DCAF6: variants seen among roughly 807,000 people sequenced by gnomAD.
DCAF6 encodes the protein DDB1 and CUL4 associated factor 6, also known as DDB1- and CUL4-associated factor 6.
A neutral mutation model predicts 125.1 loss-of-function variants in DCAF6; 54 were observed. The ratio of observed to expected loss-of-function variants is 0.43; its 90% CI spans 0.35 to 0.54. The LOEUF (loss-of-function observed/expected upper bound fraction) is 0.54. Ranked by LOEUF, DCAF6 falls within the 20% of genes least tolerant of loss-of-function variation. The probability of loss-of-function intolerance (pLI) is 0.01; values close to 1 mark genes in which losing one functional copy is unlikely to be tolerated. For synonymous variants in DCAF6, 371 were observed against 390.4 expected (o/e 0.95, Z 0.58); for missense variants, 934 against 1,161.7 (o/e 0.80, Z 2.85).
rs578145714 is a variant in DCAF6 at position 167,959,765 on chromosome 1, ATTACT to A, written c.160-6860_160-6856del. On this transcript the variant is annotated intron_variant, in intron 2 of 21. Coordinates refer to ENST00000367840, the MANE Select transcript of DCAF6 (RefSeq NM_001198956.2). ...GAGTTCTTTATTTATTTTAGATAACATTACTTTATCAGATGTGTCTTTTGAAAGTA... is the reference window on the plus strand; with the variant it reads ...GAGTTCTTTATTTATTTTAGATAACATTATCAGATGTGTCTTTTGAAAGTA... Among the ~76,000 whole-genome samples the A allele has an allele frequency of 6.6e-5, 10 of 152,320 alleles. 1 individual carries two copies. The South Asian group carries it at 2.1e-3, about 32-fold the overall frequency.
At chr1:168,054,708 C>T (rs1311794967) in intron 17 of DCAF6, among the ~76,000 whole-genome samples, 2 of 152,052 alleles carry the variant, frequency 1.3e-5, no homozygotes, top group African/African-American at 4.8e-5. Context: ...TGAATAATCA[C>T]AGATTGCATA....
intron 10 of DCAF6, among the ~76,000 whole-genome samples, chr1:168,009,468 T>TCCTG: frequency 7.0e-6 from 1 of 143,500 alleles, no homozygotes; most frequent in African/African-American, 2.6e-5. Flanking sequence ...CTCTCTTCCT[T>TCCTG]CCTCCCTCCC....
At chr1:168,073,602 C>T (rs1693407867) in intron 21 of DCAF6, among the ~76,000 whole-genome samples, 1 of 152,072 alleles carries the variant, frequency 6.6e-6, no homozygotes, top group Non-Finnish European at 1.5e-5. Context: ...TTTTTCTTAA[C>T]TCTCTATTAT....
chr1:167,865,307 G>A, the DCAF6 span, among the ~76,000 whole-genome samples: 1,056 of 152,286 alleles, frequency 6.9e-3, 11 homozygotes, highest in African/African-American at 0.024. Flanking sequence ...AATTCTGTGT[G>A]TAAACTAATT....
At chr1:167,941,616 G>T (rs1005884464) in intron 1 of DCAF6, among the ~76,000 whole-genome samples, 1 of 151,940 alleles carries the variant, frequency 6.6e-6, no homozygotes, top group Non-Finnish European at 1.5e-5. Flanking sequence ...GGTAGAGTAC[G>T]CACTAATGAG....
intron 2 of DCAF6, among the ~76,000 whole-genome samples, chr1:167,960,076 T>A (rs1675338684): frequency 6.6e-6 from 1 of 151,558 alleles, no homozygotes; most frequent in Non-Finnish European, 1.5e-5. Context: ...TTTATTTTTA[T>A]TTTTTTTGCA....
intron 3 of DCAF6, among the ~76,000 whole-genome samples, chr1:167,968,759 T>C (rs1172969882): frequency 1.3e-5 from 2 of 152,248 alleles, no homozygotes; most frequent in African/African-American, 4.8e-5. Flanking sequence ...CCTGCATTAT[T>C]CTTTCAGTGC....
chr1:168,071,401 C>T (rs1693000427), intron 21 of DCAF6, among the ~76,000 whole-genome samples: 1 of 151,942 alleles, frequency 6.6e-6, no homozygotes, highest in African/African-American at 2.4e-5. Context: ...GTCAGGAATT[C>T]AAGACCAGCC....
At chr1:167,908,975 T>C in the DCAF6 span, among the ~76,000 whole-genome samples, 1 of 152,192 alleles carries the variant, frequency 6.6e-6, no homozygotes, top group Non-Finnish European at 1.5e-5. Flanking sequence ...TGAATTACTC[T>C]AAGGTGAGCA....
chr1:167,888,169 G>A, the DCAF6 span, among the ~76,000 whole-genome samples: 1 of 152,098 alleles, frequency 6.6e-6, no homozygotes. Context: ...TATGCTATTT[G>A]GGTTGCTATA....
intron 2 of DCAF6, among the ~76,000 whole-genome samples, chr1:167,963,940 T>C (rs758214370): frequency 1.6e-4 from 24 of 152,240 alleles, no homozygotes; most frequent in Non-Finnish European, 2.9e-4. Flanking sequence ...TTCCATCTTA[T>C]ACCTTGTACT....
chr1:167,909,077 C>A, the DCAF6 span, among the ~76,000 whole-genome samples: 1 of 152,210 alleles, frequency 6.6e-6, no homozygotes, highest in Non-Finnish European at 1.5e-5. Flanking sequence ...CTACCCTTCT[C>A]TTTTCCCTGA....
chr1:167,885,249 T>C, the DCAF6 span, among the ~76,000 whole-genome samples: 2 of 152,218 alleles, frequency 1.3e-5, no homozygotes, highest in Admixed American at 6.5e-5. Flanking sequence ...GCAGTAAACA[T>C]GGGAGTGTAG....
the DCAF6 span, chr1:167,920,177 A>G: frequency 6.1e-6 from 5 of 819,300 alleles, no homozygotes; most frequent in Non-Finnish European, 9.9e-6. Flanking sequence ...AGTAATTACA[A>G]CAATAATGTA....
At chr1:168,073,994 A>AT in intron 21 of DCAF6, among the ~76,000 whole-genome samples, 1 of 148,832 alleles carries the variant, frequency 6.7e-6, no homozygotes, top group Non-Finnish European at 1.5e-5. Context: ...ATAAATGAAC[A>AT]AAATAAGATT....
At chr1:167,935,094 A>G (rs140658846), upstream of DCAF6, among the ~76,000 whole-genome samples, 261 of 152,346 alleles carry the variant, frequency 1.7e-3, no homozygotes, top group Non-Finnish European at 3.1e-3. Flanking sequence ...GGTCACAACT[A>G]TAAGTGGTAG....
At position 168,045,162 on chromosome 1, in the gene DCAF6, A is replaced by C. The variant is rs375376046; in HGVS notation, c.2193A>C (p.Thr731=). ...TSTRDSALQD[T]DDSDDDPVLI... is the part of the protein sequence containing the mutation. ...CCAGGGACTCTGCTCTTCAGGACAC[A>C]GATGACAGTGATGATGACCCAGTCC... The change falls in exon 16 of 22, where the codon ACA becomes ACC. Residue 731 remains threonine, a synonymous_variant. Coordinates refer to ENST00000367840, the MANE Select transcript of DCAF6 (RefSeq NM_001198956.2). 41 of 1,613,888 alleles carry C rather than the reference A, an allele frequency of 2.5e-5. No individual in the cohort carries two copies. Among genetic ancestry groups the C allele is most frequent in the Non-Finnish European group, 3.3e-5 (39 of 1,179,934 alleles).
intron 17 of DCAF6, chr1:168,056,494 C>A: frequency 1.4e-6 from 1 of 712,596 alleles, no homozygotes; most frequent in Non-Finnish European, 1.8e-6. Flanking sequence ...GGGGAGGGGC[C>A]CAGGCTTAAG....
chr1:167,900,788 T>A, the DCAF6 span, among the ~76,000 whole-genome samples: 1 of 152,192 alleles, frequency 6.6e-6, no homozygotes, highest in Non-Finnish European at 1.5e-5. Context: ...CACCTTGGCC[T>A]CCCAAAGTGC....
Sources: allele counts gnomAD v4.1 joint callset (sites outside exome capture counted in the v4.1 genomes callset), GRCh38; gene constraint gnomAD v4.1.1; transcripts MANE v1.5; gene names NCBI Gene and HGNC (gene_info 2026-07-23, HGNC 2026-07-21).